The following KAZN variants were observed in gnomAD, a reference collection of about 807,000 sequenced individuals.
KAZN encodes kazrin.
Under a neutral mutation model 87.4 loss-of-function variants are expected in KAZN, and 40 were observed. The observed-to-expected ratio is 0.46, with a 90% CI of 0.36 to 0.60. The LOEUF (loss-of-function observed/expected upper bound fraction) is 0.60, where lower values mean the gene tolerates loss of function less well. Among genes scored for constraint, KAZN ranks in the 20% least tolerant of loss-of-function variants. The probability of loss-of-function intolerance (pLI) is 0.00; values close to 1 mark genes in which losing one functional copy is unlikely to be tolerated. For missense variants in KAZN, 898 were observed against 1,073.9 expected, an observed-to-expected ratio of 0.84 and a Z score of 2.29; for synonymous variants, 466 against 458.3, an observed-to-expected ratio of 1.02 and a Z score of -0.22.
At chr1:14,159,377 G>A (rs1194978478) in intron 1 of KAZN, among the ~76,000 whole-genome samples, 1 of 152,126 alleles carries the variant, frequency 6.6e-6, no homozygotes, top group African/African-American at 2.4e-5. Context: ...GCCTTATTCT[G>A]TGGCTACCAT....
chr1:14,399,687 C>T (rs191095502), intron 2 of KAZN, among the ~76,000 whole-genome samples: 381 of 152,222 alleles, frequency 2.5e-3, no homozygotes, highest in Non-Finnish European at 4.3e-3. Flanking sequence ...GTGTGACCCT[C>T]TTTTTCACAC....
chr1:13,935,736 A>G (rs577921379), intron 1 of KAZN, among the ~76,000 whole-genome samples: 402 of 152,324 alleles, frequency 2.6e-3, no homozygotes, highest in Non-Finnish European at 4.9e-3. Flanking sequence ...TAGATGGAAC[A>G]TGAACTTCAT....
chr1:14,548,149 G>A (rs1233651750), intron 2 of KAZN, among the ~76,000 whole-genome samples: 3 of 151,366 alleles, frequency 2.0e-5, no homozygotes, highest in African/African-American at 7.3e-5. Flanking sequence ...CATGTGGCCT[G>A]CAGGCCACCG....
At position 15,006,075 on chromosome 1, in the gene KAZN, C is replaced by G. The variant is rs1056206901; in HGVS notation, c.419-28674C>G. Among the ~76,000 whole-genome samples the G allele has an allele frequency of 4.6e-5, 7 of 152,344 alleles. 1 individual carries two copies. The South Asian group carries it at 1.4e-3, about 32-fold the overall frequency. Reference sequence around the variant, plus strand: ...GCTGTGTCAGAGACAGTTCCCACCCCCATGAGACCTGGGGTTCTGGGGTAT... The same window carrying G: ...GCTGTGTCAGAGACAGTTCCCACCCGCATGAGACCTGGGGTTCTGGGGTAT... On this transcript the variant is annotated intron_variant, in intron 2 of 14. Transcript: ENST00000376030.
At chr1:14,426,187 T>C (rs1473709840) in intron 2 of KAZN, among the ~76,000 whole-genome samples, 1 of 152,120 alleles carries the variant, frequency 6.6e-6, no homozygotes, top group Non-Finnish European at 1.5e-5. Context: ...TCTTCTGTTA[T>C]CTCTTTCTTG....
intron 2 of KAZN, among the ~76,000 whole-genome samples, chr1:14,403,326 A>G (rs576011876): frequency 2.0e-5 from 3 of 152,312 alleles, no homozygotes; most frequent in Admixed American, 2.0e-4. Context: ...AAAACTTTAA[A>G]TCTATTAGAA....
At chr1:14,911,220 C>T (rs1434108185) in intron 1 of KAZN, among the ~76,000 whole-genome samples, 1 of 152,238 alleles carries the variant, frequency 6.6e-6, no homozygotes, top group Non-Finnish European at 1.5e-5. Context: ...AGCCTGAACC[C>T]TTGCCCAGCT....
Position 15,021,386 on chromosome 1 carries a change from G to A in KAZN, c.419-13363G>A, listed in dbSNP as rs1224208823. Among the ~76,000 whole-genome samples the A allele has an allele frequency of 5.3e-5, 8 of 152,108 alleles. No homozygotes were observed. The highest frequency in any genetic ancestry group is 1.4e-4 in the African/African-American group (6 of 41,412). ...CAACCTAGGGAATGTCCGTGTTCCG[G>A]GCCCATTCCCTGCCACTATTTTTAG... On this transcript the variant is annotated intron_variant, in intron 2 of 14. Transcript: ENST00000376030. This position sits in a 1 kb window ranked among gnomAD's most constrained non-coding sequence, Gnocchi z 4.2.
At chr1:14,071,105 T>C (rs1406605734) in intron 1 of KAZN, among the ~76,000 whole-genome samples, 1 of 152,048 alleles carries the variant, frequency 6.6e-6, no homozygotes, top group Non-Finnish European at 1.5e-5. Flanking sequence ...CAGAGCTGGA[T>C]TGAAGCCCAT....
intron 1 of KAZN, among the ~76,000 whole-genome samples, chr1:14,604,407 A>G (rs568675575): frequency 1.7e-4 from 26 of 152,232 alleles, no homozygotes; most frequent in Non-Finnish European, 2.5e-4. Flanking sequence ...CCACCCTCCA[A>G]ATCCCCTGCC....
chr1:14,604,888 G>A (rs1000038797), intron 1 of KAZN, among the ~76,000 whole-genome samples: 1 of 152,228 alleles, frequency 6.6e-6, no homozygotes, highest in Non-Finnish European at 1.5e-5. Context: ...CTGGAGAGGG[G>A]AGAGAAGTTG....
intron 1 of KAZN, among the ~76,000 whole-genome samples, chr1:14,615,828 C>A (rs1302448499): frequency 2.6e-5 from 4 of 152,200 alleles, no homozygotes; most frequent in African/African-American, 9.7e-5. Context: ...GGTAAGACTT[C>A]TCTGAAGTCC....
At chr1:14,673,309 A>G (rs1434386872) in intron 1 of KAZN, among the ~76,000 whole-genome samples, 1 of 152,240 alleles carries the variant, frequency 6.6e-6, no homozygotes, top group African/African-American at 2.4e-5. Context: ...GGATGGACAC[A>G]TAACCATGCC....
At chr1:14,687,267 G>T (rs1330642502) in intron 1 of KAZN, among the ~76,000 whole-genome samples, 1 of 151,818 alleles carries the variant, frequency 6.6e-6, no homozygotes, top group Non-Finnish European at 1.5e-5. Context: ...CACCTGCTGT[G>T]ACTGGCCCTG....
chr1:14,987,799 G>A (rs1479153402), intron 2 of KAZN, among the ~76,000 whole-genome samples: 2 of 152,220 alleles, frequency 1.3e-5, no homozygotes, highest in Admixed American at 1.3e-4. Context: ...TTTTGAAGCA[G>A]TCCTCTAGCT....
intron 1 of KAZN, among the ~76,000 whole-genome samples, chr1:13,935,413 C>T (rs941482254): frequency 6.6e-6 from 1 of 152,080 alleles, no homozygotes; most frequent in Non-Finnish European, 1.5e-5. Flanking sequence ...AGGGCAGAAA[C>T]GGGGATTCAA....
At position 13,943,410 on chromosome 1, in the gene KAZN, G is replaced by T. The variant is rs148837132; in HGVS notation, c.91+49654G>T. On this transcript the variant is annotated intron_variant, in intron 1 of 16. Transcript: ENST00000636203. ...CCTTGAGGCCAGGAGTTCAAAACTA[G>T]CCTGGGCAACATAGCAAGACCCCAT... Among the ~76,000 whole-genome samples, 1,199 of 152,090 alleles carry T rather than the reference G, an allele frequency of 7.9e-3. 13 individuals carry two copies. Among genetic ancestry groups the T allele is most frequent in the African/African-American group, 0.027 (1,101 of 41,500 alleles).
intron 1 of KAZN, among the ~76,000 whole-genome samples, chr1:13,921,127 G>T (rs1468289860): frequency 6.6e-6 from 1 of 152,088 alleles, no homozygotes. Context: ...AACTTAGATT[G>T]CCTTGATTGT....
intron 1 of KAZN, among the ~76,000 whole-genome samples, chr1:13,981,443 G>A (rs946554161): frequency 1.3e-5 from 2 of 151,742 alleles, no homozygotes; most frequent in African/African-American, 2.4e-5. Context: ...ATTGGTCAAA[G>A]CAGTCATAAC....
Sources: allele counts gnomAD v4.1 joint callset (sites outside exome capture counted in the v4.1 genomes callset), GRCh38; gene constraint gnomAD v4.1.1; non-coding constraint Gnocchi (gnomAD v3.1); transcripts MANE v1.5; gene names NCBI Gene and HGNC (gene_info 2026-07-23, HGNC 2026-07-21).